KIF1A: variants seen among roughly 807,000 people sequenced by gnomAD.
KIF1A encodes kinesin family member 1A.
A neutral mutation model predicts 227.3 loss-of-function variants in KIF1A; 46 were observed. The observed-to-expected ratio is 0.20, with a 90% CI of 0.16 to 0.26. The LOEUF is 0.26. KIF1A is among the 10% of genes least tolerant of loss of function. KIF1A has a pLI of 1.00. For synonymous variants in KIF1A, 1,022 were observed against 1,012.8 expected (o/e 1.01, Z -0.17); for missense variants, 1,683 against 2,485.9 (o/e 0.68, Z 6.87).
At chr2:240,719,447 G>A (rs374460142) in intron 46 of KIF1A, among the ~76,000 whole-genome samples, 3 of 152,344 alleles carry the variant, frequency 2.0e-5, no homozygotes, top group African/African-American at 7.2e-5. Context: ...ATAAGCTAAA[G>A]TTGCTGAAGG....
At chr2:240,765,579 C>A in intron 20 of KIF1A, 131 bp downstream of exon 20, 1 of 715,304 alleles carries the variant, frequency 1.4e-6, no homozygotes, top group Non-Finnish European at 2.4e-6. Flanking sequence ...GCCCCCTCCC[C>A]TACCTGCCCA....
At chr2:240,738,013 G>A (rs1359952436) in intron 37 of KIF1A, among the ~76,000 whole-genome samples, 2 of 152,220 alleles carry the variant, frequency 1.3e-5, no homozygotes, top group African/African-American at 4.8e-5. Context: ...CTGGGAAGAG[G>A]CAGGTGGATC....
Position 240,763,225 on chromosome 2 carries a change from G to A in KIF1A, c.1890C>T (p.Phe630=), listed in dbSNP as rs374362504. ...ETPAEPVDWA[F]AQRELLEKQG... is the part of the protein sequence containing the mutation. ...GCTTCTCCAGCAGCTCACGCTGGGCGAAGGCCCAGTCCACAGGCTCAGCTG... is the reference window on the plus strand; with the variant it reads ...GCTTCTCCAGCAGCTCACGCTGGGCAAAGGCCCAGTCCACAGGCTCAGCTG... Residue 630 remains phenylalanine, a synonymous_variant, in exon 21 of 49, where the codon TTC becomes TTT. Coordinates refer to ENST00000498729, the MANE Select transcript of KIF1A (RefSeq NM_001244008.2). 2.0e-5 allele frequency: 33 copies of A among 1,612,992 alleles called. No individual in the cohort carries two copies. The highest frequency in any genetic ancestry group is 3.3e-5 in the Admixed American group (2 of 59,974).
Position 240,726,790 on chromosome 2 carries a change from T to G in KIF1A, c.4122+36A>C. The G allele has an allele frequency of 1.6e-6, 2 of 1,267,980 alleles. No individual in the cohort carries two copies. The highest frequency in any genetic ancestry group is 2.3e-6 in the Non-Finnish European group (2 of 878,048). 78.5% of individuals were successfully genotyped at this position (1,267,980 alleles called of 1,614,324 possible). The stretch of plus-strand genomic sequence containing the variant: ...AGAACCTCAAGCTTCAGGGGCTGAG[T>G]GGTTTTGGTGGAGTGCCCTGGCATA... On this transcript the variant is annotated intron_variant, in intron 39 of 48. Transcript: ENST00000498729. The surrounding 1 kb of genome is among the most constrained non-coding windows in gnomAD (Gnocchi z 5.2).
At chr2:240,755,977 T>C (rs1415277166) in intron 27 of KIF1A, among the ~76,000 whole-genome samples, 1 of 150,936 alleles carries the variant, frequency 6.6e-6, no homozygotes, top group Non-Finnish European at 1.5e-5. Context: ...GGAGGGAGAG[T>C]GCCACAGGTT....
chr2:240,809,594 C>A (rs1490857546), intron 1 of KIF1A, among the ~76,000 whole-genome samples: 2 of 151,974 alleles, frequency 1.3e-5, no homozygotes, highest in African/African-American at 4.8e-5. Context: ...GGATTAAAGA[C>A]CTCTATGTTA....
At position 240,722,617 on chromosome 2, in the gene KIF1A, G is replaced by T; in HGVS notation, c.4504C>A (p.Leu1502Met). ...GGGACAGGCCGCTGGGCGGTCTCCA[G>T]CTTCTCCCGCAGGAGCAGGTAGTGC... ...TRHYLLLREKLETAQRPVPEA... is the reference protein window; with the variant it reads ...TRHYLLLREKMETAQRPVPEA... Residue 1502 changes from leucine to methionine, a missense_variant, in exon 43 of 49, where the codon CTG becomes ATG. Physicochemically the swap from Leu to Met is conservative, Grantham distance 15. Transcript: ENST00000498729. 1 of 1,562,954 alleles carries T rather than the reference G, an allele frequency of 6.4e-7. No individual in the cohort carries two copies. The highest frequency in any genetic ancestry group is 1.9e-5 in the Admixed American group (1 of 53,832).
intron 5 of KIF1A, among the ~76,000 whole-genome samples, 174 bp from the exon 6 acceptor site, chr2:240,786,687 A>C (rs1055190565): frequency 1.6e-5 from 2 of 124,138 alleles, no homozygotes; most frequent in Non-Finnish European, 3.5e-5. Context: ...AGGACCCCTG[A>C]GGGGATGGGA....
Position 240,786,376 on chromosome 2 carries a change from G to A in KIF1A, c.567C>T (p.Tyr189=). Reference sequence around the variant, plus strand: ...AGTCCATGAGGTCCTGGATGTCATTGTAGGAGGTGACAGCCAGCTTGGAGA... The same window carrying A: ...AGTCCATGAGGTCCTGGATGTCATTATAGGAGGTGACAGCCAGCTTGGAGA... The part of the protein sequence containing the change: ...EDLSKLAVTS[Y]NDIQDLMDSG... Residue 189 remains tyrosine (Y), a synonymous_variant, in exon 6 of 49, where the codon TAC becomes TAT. Coordinates refer to ENST00000498729, the MANE Select transcript of KIF1A (RefSeq NM_001244008.2). 1.2e-6 allele frequency: 2 copies of A among 1,613,690 alleles called. No homozygotes were observed. The highest frequency in any genetic ancestry group is 8.5e-7 in the Non-Finnish European group (1 of 1,179,798).
chr2:240,808,977 G>A (rs924646064), intron 1 of KIF1A, among the ~76,000 whole-genome samples: 5 of 151,980 alleles, frequency 3.3e-5, no homozygotes, highest in African/African-American at 1.2e-4. Flanking sequence ...TGATCTGCCC[G>A]CCTCAGCCTC....
intron 27 of KIF1A, among the ~76,000 whole-genome samples, chr2:240,756,569 G>A (rs372103643): frequency 2.4e-4 from 37 of 152,250 alleles, no homozygotes; most frequent in African/African-American, 8.9e-4. Flanking sequence ...ATTCCATGAG[G>A]GCATTGGGCC....
intron 38 of KIF1A, among the ~76,000 whole-genome samples, chr2:240,735,785 G>C (rs969894459): frequency 6.6e-6 from 1 of 152,218 alleles, no homozygotes; most frequent in African/African-American, 2.4e-5. Flanking sequence ...GCCCCGGCCC[G>C]TCCCACCTGG....
In KIF1A at chr2:240,757,583, G is replaced by C; in HGVS notation, c.2594C>G (p.Ser865Cys). Residue 865 changes from serine (S) to cysteine (C), a missense_variant, in exon 27 of 49, where the codon TCT becomes TGT. By Grantham distance (112) the Ser-to-Cys change is moderately radical (BLOSUM62 -1). Around this residue, in one of 12 missense-constraint regions of KIF1A, gnomAD observed 759 missense variants for 1,020.2 expected, o/e 0.74. Coordinates refer to ENST00000498729, the MANE Select transcript of KIF1A (RefSeq NM_001244008.2). The surrounding 1 kb of genome is among the most constrained non-coding windows in gnomAD (Gnocchi z 6.2). ...GAGAAGAGGGTAGCTGTTGCAGCCAGAGATGGCTGAACTGAGGTTAGTGCG... is the reference window on the plus strand; with the variant it reads ...GAGAAGAGGGTAGCTGTTGCAGCCACAGATGGCTGAACTGAGGTTAGTGCG... The part of the protein sequence containing the change: ...WFRLVGSSAI[S>C]GCNSYPLLNT... 1 of 1,548,638 alleles carries C rather than the reference G, an allele frequency of 6.5e-7. No individual in the cohort carries two copies. The highest frequency in any genetic ancestry group is 8.7e-7 in the Non-Finnish European group (1 of 1,146,040).
chr2:240,763,137 C>T (rs755658774), intron 21 of KIF1A, 29 bp downstream of exon 21: 2 of 1,603,888 alleles, frequency 1.2e-6, no homozygotes, highest in Admixed American at 1.7e-5. Context: ...GGAGGGGCAG[C>T]AGGCAGTTGG....
At chr2:240,745,597 A>C (rs2048500018) in intron 31 of KIF1A, 80 bp from the exon 32 acceptor site, 2 of 1,477,080 alleles carry the variant, frequency 1.4e-6, no homozygotes. Flanking sequence ...ACCTCACACG[A>C]GGGCGCTGGG....
intron 5 of KIF1A, 34 bp from the exon 6 acceptor site, chr2:240,786,547 G>C: frequency 6.2e-7 from 1 of 1,601,890 alleles, no homozygotes; most frequent in Non-Finnish European, 8.5e-7. Context: ...AGGGGCCCCT[G>C]AGGCGAGGGA....
intron 14 of KIF1A, chr2:240,771,371 G>A (rs1332737457): frequency 2.6e-5 from 14 of 535,272 alleles, no homozygotes; most frequent in Admixed American, 1.3e-4. Context: ...ACGATGGGAC[G>A]GGGCCAGCAG....
rs758111969 is a variant in KIF1A, at chr2:240,762,747, G to A, written c.2088C>T (p.Asn696=). ...QMDSRYYPEV[N]EEEEEPEDEV... ...CATCCTCGGGCTCCTCCTCCTCCTC[G>A]TTCACCTCCGGGTAGTACCTGGAGT... is the stretch of plus-strand genomic sequence containing the variant. Residue 696 remains asparagine, a synonymous_variant, in exon 23 of 49, where the codon AAC becomes AAT. Transcript: ENST00000498729. 83 of 1,596,076 alleles carry A rather than the reference G, an allele frequency of 5.2e-5. No homozygotes were observed. The highest frequency in any genetic ancestry group is 4.5e-4 in the East Asian group (20 of 44,324).
chr2:240,783,550 A>G (rs1161179806), intron 8 of KIF1A, among the ~76,000 whole-genome samples, 189 bp downstream of exon 8: 1 of 152,142 alleles, frequency 6.6e-6, no homozygotes, highest in Admixed American at 6.5e-5. Flanking sequence ...CTGTGTGCCC[A>G]GCGCTGGTGC....
Sources: gnomAD v4.1 joint callset for allele counts (sites outside exome capture counted in the v4.1 genomes callset) on GRCh38, gnomAD v4.1.1 for gene constraint, gnomAD v4.1.1 regional missense constraint, Gnocchi (gnomAD v3.1) non-coding constraint, MANE v1.5 for transcripts, NCBI Gene and HGNC (gene_info 2026-07-23, HGNC 2026-07-21) for gene names.